The following TACC1 variants were observed in gnomAD, a reference collection of about 807,000 sequenced individuals.
TACC1 encodes transforming acidic coiled-coil containing protein 1.
TACC1 carries 48 observed loss-of-function variants against 84.4 expected under a neutral mutation model. The observed-to-expected ratio is 0.57, with a 90% CI of 0.45 to 0.72. The LOEUF is 0.72. TACC1 is among the 30% of genes least tolerant of loss of function. TACC1 has a pLI of 0.00. For missense variants in TACC1, 920 were observed against 973.0 expected (o/e 0.95, Z 0.72); for synonymous variants, 372 against 376.3 (o/e 0.99, Z 0.13).
At chr8:38,775,342 A>T (rs918071452) in intron 3 of TACC1, among the ~76,000 whole-genome samples, 1 of 152,210 alleles carries the variant, frequency 6.6e-6, no homozygotes, top group East Asian at 1.9e-4. Context: ...CTGTGGTTCT[A>T]TGAGATCTGA....
At chr8:38,769,139 T>A (rs1430165313) in intron 3 of TACC1, among the ~76,000 whole-genome samples, 1 of 146,190 alleles carries the variant, frequency 6.8e-6, no homozygotes, top group Non-Finnish European at 1.5e-5. Context: ...GTGGTATATG[T>A]GTGACTAGGT....
intron 3 of TACC1, among the ~76,000 whole-genome samples, chr8:38,761,433 C>G (rs1040025147): frequency 6.6e-6 from 1 of 152,194 alleles, no homozygotes; most frequent in African/African-American, 2.4e-5. Context: ...GAGTTTCTGA[C>G]GTCTTCATTG....
intron 3 of TACC1, chr8:38,824,510 T>G (rs1335666131): frequency 6.6e-6 from 1 of 152,506 alleles, no homozygotes; most frequent in African/African-American, 2.4e-5. Flanking sequence ...TTATGCACAT[T>G]CCGGTAACTT....
At chr8:38,762,726 T>C (rs1811458703) in intron 3 of TACC1, among the ~76,000 whole-genome samples, 1 of 152,114 alleles carries the variant, frequency 6.6e-6, no homozygotes, top group African/African-American at 2.4e-5. Context: ...CCGGCTAAAT[T>C]TTTTATTTTT....
chr8:38,799,114 C>T (rs1820724366), intron 2 of TACC1, among the ~76,000 whole-genome samples: 1 of 152,198 alleles, frequency 6.6e-6, no homozygotes, highest in Non-Finnish European at 1.5e-5. Flanking sequence ...CGCTTGTTTC[C>T]CTCCTGAAGC....
At chr8:38,831,935 T>G (rs566499334) in intron 6 of TACC1, among the ~76,000 whole-genome samples, 1 of 152,278 alleles carries the variant, frequency 6.6e-6, no homozygotes, top group Non-Finnish European at 1.5e-5. Context: ...GCCTCCTCAG[T>G]AGCTGGGATT....
chr8:38,813,604 TAA>T (rs1410105059), intron 2 of TACC1, among the ~76,000 whole-genome samples: 2 of 152,228 alleles, frequency 1.3e-5, no homozygotes, highest in Non-Finnish European at 2.9e-5. Flanking sequence ...AATCACATGT[TAA>T]CTCCAATCAC....
intron 3 of TACC1, among the ~76,000 whole-genome samples, chr8:38,768,915 GGTGT>G (rs1407189709): frequency 6.7e-6 from 1 of 150,026 alleles, no homozygotes; most frequent in Admixed American, 6.6e-5. Context: ...GACTGTGTGT[GGTGT>G]GTGTGACTAT....
At chr8:38,771,451 C>T (rs1369947462) in intron 3 of TACC1, among the ~76,000 whole-genome samples, 1 of 152,102 alleles carries the variant, frequency 6.6e-6, no homozygotes, top group Non-Finnish European at 1.5e-5. Context: ...AAGGGAATAG[C>T]AAACGATGTT....
Position 38,838,518 on chromosome 8 carries a change from G to C in TACC1, c.1888G>C (p.Glu630Gln). ...EANEWKKKYE[E>Q]TRQEVLEMRK... ...AAATGAATGGAAGAAGAAATACGAAGAGACCCGGCAAGAAGTTTTGGAGAT... is the reference window on the plus strand; with the variant it reads ...AAATGAATGGAAGAAGAAATACGAACAGACCCGGCAAGAAGTTTTGGAGAT... Residue 630 changes from glutamate (E) to glutamine (Q), a missense_variant, in exon 8 of 13, where the codon GAG becomes CAG. Physicochemically the swap from Glu to Gln is conservative, Grantham distance 29. Transcript: ENST00000317827. 2 of 1,613,998 alleles carry C rather than the reference G, an allele frequency of 1.2e-6. No homozygotes were observed. Among genetic ancestry groups the C allele is most frequent in the Non-Finnish European group, 1.7e-6 (2 of 1,179,896 alleles).
Position 38,787,522 on chromosome 8 carries a change from A to G in TACC1, c.-61A>G. On this transcript the variant is annotated 5_prime_UTR_variant, in exon 1 of 13. Transcript: ENST00000317827. ...ACCGGTTCCCTCCATTTTGAAAGGG[A>G]AAAAGGCTCTCCCCACCCATTCCCC... The G allele has an allele frequency of 1.4e-6, 2 of 1,445,804 alleles. No individual in the cohort carries two copies. Among genetic ancestry groups the G allele is most frequent in the African/African-American group, 1.5e-5 (1 of 66,744 alleles). The allele number at this position is 1,445,804 out of a possible 1,614,324, so 89.6% of individuals were successfully genotyped here. A position where few individuals can be genotyped will look rare whatever the true frequency, so the allele number is the denominator to read the frequency against.
chr8:38,842,539 G>A, intron 10 of TACC1, 92 bp downstream of exon 10: 2 of 1,378,910 alleles, frequency 1.5e-6, no homozygotes, highest in South Asian at 1.5e-5. Context: ...AGAGGTTGTG[G>A]GTATCCTTTT....
chr8:38,792,211 TG>T (rs1320969723), intron 2 of TACC1, among the ~76,000 whole-genome samples: 1 of 152,252 alleles, frequency 6.6e-6, no homozygotes, highest in Non-Finnish European at 1.5e-5. Flanking sequence ...GCTGCTGTTG[TG>T]GTGGTCTTTC....
At chr8:38,795,318 C>A (rs1454213378) in intron 2 of TACC1, among the ~76,000 whole-genome samples, 1 of 152,214 alleles carries the variant, frequency 6.6e-6, no homozygotes, top group Non-Finnish European at 1.5e-5. Context: ...TAGTAACTAT[C>A]AAATCACAAT....
upstream of TACC1, chr8:38,787,179 G>T (rs1405062473): frequency 1.2e-5 from 12 of 985,726 alleles, no homozygotes; most frequent in African/African-American, 2.1e-4. Context: ...CGAGGGGGCG[G>T]CTTCTGGGGC....
rs1832729672 is a variant in TACC1, at chr8:38,848,798, GCCC to G, written c.*777_*779del. The G allele has an allele frequency of 6.6e-6, 1 of 152,214 alleles. No homozygotes were observed. The highest frequency in any genetic ancestry group is 1.5e-5 in the Non-Finnish European group (1 of 68,040). 9.4% of individuals were successfully genotyped at this position (152,214 alleles called of 1,614,324 possible). A position where few individuals can be genotyped will look rare whatever the true frequency, so the allele number is the denominator to read the frequency against. On this transcript the variant is annotated 3_prime_UTR_variant, in exon 13 of 13. Coordinates refer to ENST00000317827, the MANE Select transcript of TACC1 (RefSeq NM_006283.3). ...ACACTCCTCAGCTTTAATGGGTGTG[GCCC>G]CTTTAGGGTTAGTCCTCAGACTAAT...
At chr8:38,801,627 T>C (rs1236367514) in intron 2 of TACC1, among the ~76,000 whole-genome samples, 2 of 152,212 alleles carry the variant, frequency 1.3e-5, no homozygotes, top group Non-Finnish European at 2.9e-5. Context: ...TATAGCTTTG[T>C]AGTAAGTTTT....
Position 38,787,609 on chromosome 8 carries a change from G to T in TACC1, c.27G>T (p.Leu9=), listed in dbSNP as rs1167324043. The T allele has an allele frequency of 6.5e-7, 1 of 1,545,274 alleles. No homozygotes were observed. Among genetic ancestry groups the T allele is most frequent in the African/African-American group, 1.4e-5 (1 of 72,494 alleles). Residue 9 remains leucine (L), a synonymous_variant, in exon 1 of 13, where the codon CTG becomes CTT. Coordinates refer to ENST00000317827, the MANE Select transcript of TACC1 (RefSeq NM_006283.3). MAFSPWQI[L]SPVQWAKWTW... The stretch of plus-strand genomic sequence containing the variant: ...TGGCGTTCAGCCCGTGGCAGATCCT[G>T]TCCCCCGTGCAGTGGGCGAAATGGA...
chr8:38,761,669 T>G (rs1019400106), intron 3 of TACC1, among the ~76,000 whole-genome samples: 5 of 152,272 alleles, frequency 3.3e-5, no homozygotes, highest in Non-Finnish European at 7.3e-5. Context: ...TTCATTGCTT[T>G]CAAATTTATA....
Sources: gnomAD v4.1 joint callset for allele counts (sites outside exome capture counted in the v4.1 genomes callset) on GRCh38, gnomAD v4.1.1 for gene constraint, MANE v1.5 for transcripts, NCBI Gene and HGNC (gene_info 2026-07-23, HGNC 2026-07-21) for gene names.